The following KIAA1217 variants were observed in gnomAD, a reference collection of about 807,000 sequenced individuals.
KIAA1217 encodes KIAA1217.
KIAA1217 carries 88 observed loss-of-function variants against 163.9 expected under a neutral mutation model. That is an observed-to-expected ratio of 0.54 (90% CI 0.45 to 0.64). The LOEUF is 0.64. Ranked by LOEUF, KIAA1217 falls within the 30% of genes least tolerant of loss-of-function variation. The pLI, the probability that KIAA1217 is intolerant of heterozygous loss-of-function variation, is 0.00. For missense variants in KIAA1217, 2,372 were observed against 2,475.0 expected (o/e 0.96, Z 0.88); for synonymous variants, 903 against 923.1 (o/e 0.98, Z 0.39).
At chr10:24,180,222 A>G (rs113435679) in intron 2 of KIAA1217, among the ~76,000 whole-genome samples, 3,642 of 147,536 alleles carry the variant, frequency 0.025, 128 homozygotes, top group African/African-American at 0.084. Flanking sequence ...AACTTTGAGG[A>G]CCTCTACAGT....
intron 2 of KIAA1217, among the ~76,000 whole-genome samples, chr10:24,360,953 T>C (rs1392628175): frequency 6.6e-6 from 1 of 152,040 alleles, no homozygotes; most frequent in Non-Finnish European, 1.5e-5. Flanking sequence ...AATAATTTAA[T>C]GCTACATCTC....
chr10:23,779,416 G>A (rs1179659644), intron 1 of KIAA1217, among the ~76,000 whole-genome samples: 1 of 152,122 alleles, frequency 6.6e-6, no homozygotes. Flanking sequence ...ACCTCTTTAA[G>A]CTAGCTATTA....
intron 1 of KIAA1217, among the ~76,000 whole-genome samples, chr10:23,766,205 A>G (rs949466569): frequency 5.3e-5 from 8 of 152,226 alleles, no homozygotes; most frequent in African/African-American, 4.8e-5. Flanking sequence ...CTTCTAAGTC[A>G]AGTGTGATTT....
chr10:24,218,623 G>A lies in KIAA1217; in HGVS notation c.71-1003G>A, dbSNP rs1369572304. On this transcript the variant is annotated intron_variant, in intron 1 of 20. Transcript: ENST00000376454. ...CCTGCCTCAGCCTCCCGAGTAGCTGGGACTACAGGTGCCCACCACCATGCC... is the reference window on the plus strand; with the variant it reads ...CCTGCCTCAGCCTCCCGAGTAGCTGAGACTACAGGTGCCCACCACCATGCC... 3.3e-5 allele frequency among the ~76,000 whole-genome samples: 5 copies of A among 151,944 alleles called. No individual in the cohort carries two copies. In the Middle Eastern group the frequency reaches 0.014, roughly 413 times the overall value.
intron 1 of KIAA1217, among the ~76,000 whole-genome samples, chr10:23,824,658 AATAT>A (rs1199680251): frequency 9.4e-5 from 5 of 53,052 alleles, no homozygotes; most frequent in East Asian, 1.1e-3. Flanking sequence ...AAATAAAAAA[AATAT>A]ATATATATAT....
intron 2 of KIAA1217, among the ~76,000 whole-genome samples, chr10:24,333,491 T>G (rs1047179124): frequency 6.6e-6 from 1 of 152,204 alleles, no homozygotes; most frequent in African/African-American, 2.4e-5. Context: ...CTGGGCATAT[T>G]TCATGATGCC....
intron 1 of KIAA1217, among the ~76,000 whole-genome samples, chr10:23,814,406 G>A (rs1369170744): frequency 2.0e-5 from 3 of 152,128 alleles, no homozygotes; most frequent in Non-Finnish European, 2.9e-5. Context: ...TCTTGGGTCT[G>A]CCTTAATTGC....
chr10:23,805,660 TACCACTGA>T (rs1416929500), intron 1 of KIAA1217, among the ~76,000 whole-genome samples: 2 of 152,108 alleles, frequency 1.3e-5, no homozygotes, highest in Admixed American at 1.3e-4. Context: ...CCTTAACATG[TACCACTGA>T]ACTTAAAAGT....
At chr10:23,822,041 T>C (rs1274059624) in intron 1 of KIAA1217, among the ~76,000 whole-genome samples, 1 of 152,154 alleles carries the variant, frequency 6.6e-6, no homozygotes, top group African/African-American at 2.4e-5. Context: ...AGACAATAAG[T>C]AAGAGCGGGT....
intron 2 of KIAA1217, among the ~76,000 whole-genome samples, chr10:24,063,700 G>A (rs1459403460): frequency 6.6e-6 from 1 of 152,094 alleles, no homozygotes; most frequent in East Asian, 1.9e-4. Context: ...AGCTTGATGG[G>A]GATGGCACTG....
intron 2 of KIAA1217, among the ~76,000 whole-genome samples, chr10:24,177,023 G>A (rs1047310066): frequency 3.3e-5 from 5 of 151,746 alleles, no homozygotes; most frequent in South Asian, 2.1e-4. Context: ...CTCCGAGTGC[G>A]GGGCCTGCTG....
intron 1 of KIAA1217, among the ~76,000 whole-genome samples, chr10:23,844,669 A>T (rs1403792599): frequency 6.7e-6 from 1 of 150,028 alleles, no homozygotes; most frequent in African/African-American, 2.4e-5. Flanking sequence ...TCAATGTTGG[A>T]GTCCCTCAAG....
chr10:23,965,018 C>T (rs927548227), intron 1 of KIAA1217, among the ~76,000 whole-genome samples: 21 of 152,166 alleles, frequency 1.4e-4, no homozygotes, highest in Admixed American at 1.2e-3. Flanking sequence ...TTTACCCCGT[C>T]CCCCAGCTGC....
intron 2 of KIAA1217, among the ~76,000 whole-genome samples, chr10:24,340,826 A>T (rs1057376355): frequency 1.3e-5 from 2 of 152,354 alleles, no homozygotes; most frequent in East Asian, 3.9e-4. Flanking sequence ...TCAACCTCAT[A>T]AGGAATCATA....
At chr10:23,981,421 C>A (rs1317756197) in intron 1 of KIAA1217, among the ~76,000 whole-genome samples, 1 of 152,070 alleles carries the variant, frequency 6.6e-6, no homozygotes, top group Non-Finnish European at 1.5e-5. Flanking sequence ...TCAACGTGGG[C>A]AGATTGGGAA....
rs60528535 is a variant in KIAA1217 at position 24,323,788 on chromosome 10, C to CGTGTGTGTGTGT, written c.355-57048_355-57037dup. Among the ~76,000 whole-genome samples, 483 of 144,280 alleles carry CGTGTGTGTGTGT rather than the reference C, an allele frequency of 3.3e-3. 4 individuals carry two copies. The highest frequency in any genetic ancestry group is 0.012 in the African/African-American group (455 of 38,560). The allele number at this position is 144,280 out of a possible 152,430, so 94.7% of individuals were successfully genotyped here. On this transcript the variant is annotated intron_variant, in intron 2 of 20. Transcript: ENST00000376454. The stretch of plus-strand genomic sequence containing the variant: ...GAAGACAATGCCCATGTTTTCTCTT[C>CGTGTGTGTGTGT]GTGTGTGTGTGTGTGTGTGTGTGTG...
intron 5 of KIAA1217, chr10:24,466,477 A>C (rs1344978061): frequency 1.0e-6 from 1 of 978,616 alleles, no homozygotes; most frequent in Non-Finnish European, 1.2e-6. Flanking sequence ...TTCAGTGACT[A>C]ATTTCCAAGG....
At chr10:23,869,989 G>A (rs1023952398) in intron 1 of KIAA1217, among the ~76,000 whole-genome samples, 2 of 152,106 alleles carry the variant, frequency 1.3e-5, no homozygotes, top group African/African-American at 4.8e-5. Context: ...TTGAAGCAAC[G>A]TTAAGCCCAA....
chr10:24,369,415 T>C (rs2051258500), intron 2 of KIAA1217, among the ~76,000 whole-genome samples: 1 of 152,166 alleles, frequency 6.6e-6, no homozygotes, highest in African/African-American at 2.4e-5. Flanking sequence ...CCCTGTGGCC[T>C]TCTCCACTGT....
Sources: allele counts gnomAD v4.1 joint callset (sites outside exome capture counted in the v4.1 genomes callset), GRCh38; gene constraint gnomAD v4.1.1; transcripts MANE v1.5; gene names NCBI Gene and HGNC (gene_info 2026-07-23, HGNC 2026-07-21).